The following PER3 variants were observed in gnomAD, a reference collection of about 807,000 sequenced individuals.
PER3 encodes the protein period circadian protein homolog 3.
In PER3, 107 loss-of-function variants were observed where a neutral mutation model predicts 127.2. The observed-to-expected ratio is 0.84, with a 90% confidence interval of 0.72 to 0.99. PER3 has a LOEUF of 0.99. Ranked by LOEUF, PER3 falls within the 50% of genes least tolerant of loss-of-function variation. The pLI is 0.00. For missense variants in PER3, 1,560 were observed against 1,525.8 expected (o/e 1.02, Z -0.37); for synonymous variants, 618 against 585.8 (o/e 1.05, Z -0.79).
Position 7,808,936 on chromosome 1 carries a change from A to T in PER3, c.1180A>T (p.Met394Leu). Reference protein sequence around the residue: ...EDVFATKIKKMNDNDKDITEL... With the variant: ...EDVFATKIKKLNDNDKDITEL... ...TGTTTTTGCTACCAAAATTAAAAAG[A>T]TGAACGATAATGACAAAGACATAAC... The change falls in exon 11 of 22, where the codon ATG becomes TTG. Residue 394 changes from methionine to leucine, a missense_variant. By Grantham distance (15) the Met-to-Leu change is conservative. This residue lies in a region of PER3 where 1,332 missense variants were observed against 1,223.6 expected (regional missense o/e 1.09). Coordinates refer to ENST00000377532, the MANE Select transcript of PER3 (RefSeq NM_001377275.1). 1 of 1,602,726 alleles carries T rather than the reference A, an allele frequency of 6.2e-7. No individual in the cohort carries two copies. The highest frequency in any genetic ancestry group is 1.1e-5 in the South Asian group (1 of 90,528).
intron 5 of PER3, among the ~76,000 whole-genome samples, chr1:7,789,028 C>T (rs1427591075): frequency 6.6e-6 from 1 of 151,760 alleles, no homozygotes; most frequent in East Asian, 1.9e-4. Context: ...TTCAAAGATG[C>T]CTATTGCAGT....
intron 10 of PER3, among the ~76,000 whole-genome samples, chr1:7,806,808 A>ATATATATATATATATAT (rs58879633): frequency 6.6e-5 from 4 of 60,814 alleles, no homozygotes; most frequent in South Asian, 6.2e-4. Flanking sequence ...AAAAAAAAAA[A>ATATATATATATATATAT]AAAAATATAT....
intron 10 of PER3, among the ~76,000 whole-genome samples, chr1:7,808,602 T>G (rs552128877): frequency 6.6e-6 from 1 of 152,338 alleles, no homozygotes; most frequent in East Asian, 1.9e-4. Context: ...TGAAGATATT[T>G]TAGTAGCTAA....
In PER3 at chr1:7,819,186, T is replaced by C. The variant is rs1577851528; in HGVS notation, c.1523-99T>C. 4.1e-6 allele frequency: 4 copies of C among 979,788 alleles called. No individual in the cohort carries two copies. The East Asian group carries it at 7.2e-5, about 18-fold the overall frequency. 60.7% of individuals were successfully genotyped at this position (979,788 alleles called of 1,614,324 possible). On this transcript the variant is annotated intron_variant, in intron 13 of 21. Transcript: ENST00000377532. ...AGCCGCATGATATTCTGTTGATATA[T>C]ACATGATAAAGTGCCATGATTTAAT...
intron 13 of PER3, among the ~76,000 whole-genome samples, chr1:7,818,083 C>T (rs1457425193): frequency 1.3e-5 from 2 of 152,134 alleles, no homozygotes; most frequent in African/African-American, 4.8e-5. Context: ...AAACTCAAAT[C>T]GAAGGCCATC....
chr1:7,794,150 G>C (rs1343569294), intron 6 of PER3, 142 bp downstream of exon 6: 4 of 715,982 alleles, frequency 5.6e-6, no homozygotes, highest in Non-Finnish European at 1.0e-5. Flanking sequence ...CAAGGAGTTC[G>C]TATTTTGATT....
chr1:7,809,695 C>T (rs1054733287), intron 11 of PER3, among the ~76,000 whole-genome samples, 198 bp from the exon 12 acceptor site: 2 of 152,124 alleles, frequency 1.3e-5, no homozygotes, highest in Non-Finnish European at 2.9e-5. Flanking sequence ...GAACATAAGA[C>T]CTTGCTCTTG....
chr1:7,803,976 T>C, intron 10 of PER3, 128 bp downstream of exon 10: 1 of 721,156 alleles, frequency 1.4e-6, no homozygotes, highest in Admixed American at 2.7e-5. Flanking sequence ...TTTCGGTGCT[T>C]TGGGGAGACA....
intron 21 of PER3, among the ~76,000 whole-genome samples, chr1:7,838,135 TATG>T (rs1229382773): frequency 6.6e-6 from 1 of 152,158 alleles, no homozygotes; most frequent in Admixed American, 6.5e-5. Flanking sequence ...TATTAAGGCT[TATG>T]AAGTAAGCAA....
chr1:7,809,746 A>G, intron 11 of PER3, 147 bp from the exon 12 acceptor site: 1 of 679,494 alleles, frequency 1.5e-6, no homozygotes. Context: ...TCGTGTCAGC[A>G]TCAGCATTAA....
chr1:7,800,385 T>C (rs1343819521), intron 7 of PER3, among the ~76,000 whole-genome samples: 1 of 151,624 alleles, frequency 6.6e-6, no homozygotes, highest in Admixed American at 6.6e-5. Context: ...TTTTTGTATT[T>C]TTAGTAGAGA....
Position 7,786,842 on chromosome 1 carries a change from A to T in PER3, c.390+6A>T, listed in dbSNP as rs978467123. 2 of 1,524,766 alleles carry T rather than the reference A, an allele frequency of 1.3e-6. No homozygotes were observed. The highest frequency in any genetic ancestry group is 2.2e-5 in the South Asian group (2 of 89,276). The allele number at this position is 1,524,766 out of a possible 1,614,324, so 94.5% of individuals were successfully genotyped here. Reference sequence around the variant, plus strand: ...AACACACTTCCAAAAACACAGTAAGAATTCATGCATTTTGCCATATCAACC... The same window carrying T: ...AACACACTTCCAAAAACACAGTAAGTATTCATGCATTTTGCCATATCAACC... On this transcript the variant is annotated splice_donor_region_variant and intron_variant, in intron 4 of 21. Coordinates refer to ENST00000377532, the MANE Select transcript of PER3 (RefSeq NM_001377275.1).
chr1:7,826,837 AAC>A lies in PER3; in HGVS notation c.2188+129_2188+130del, dbSNP rs2097303705. The A allele has an allele frequency of 1.5e-6, 1 of 658,976 alleles. No homozygotes were observed. The highest frequency in any genetic ancestry group is 1.8e-5 in the African/African-American group (1 of 55,022). 40.8% of individuals were successfully genotyped at this position (658,976 alleles called of 1,614,324 possible). A position where few individuals can be genotyped will look rare whatever the true frequency, so the allele number is the denominator to read the frequency against. On this transcript the variant is annotated intron_variant, in intron 17 of 21. Transcript: ENST00000377532. The surrounding 1 kb of genome is among the most constrained non-coding windows in gnomAD (Gnocchi z 4.2). ...TAAGAAACTGATGGAGAGATGCTGAAACAATCTATTTACATCAACAGTTTATG... is the reference window on the plus strand; with the variant it reads ...TAAGAAACTGATGGAGAGATGCTGAAAATCTATTTACATCAACAGTTTATG...
chr1:7,842,278 G>A (rs984024120), intron 21 of PER3, among the ~76,000 whole-genome samples: 14 of 152,100 alleles, frequency 9.2e-5, no homozygotes, highest in Admixed American at 4.6e-4. Context: ...CAAGGTGGGC[G>A]GATCACGAGG....
At chr1:7,825,709 C>A (rs537910072) in intron 16 of PER3, among the ~76,000 whole-genome samples, 1 of 152,008 alleles carries the variant, frequency 6.6e-6, no homozygotes, top group South Asian at 2.1e-4. Flanking sequence ...CTGGCCAACA[C>A]GGTGAAACCC....
Position 7,793,143 on chromosome 1 carries a change from C to T in PER3, c.593-814C>T, listed in dbSNP as rs114744970. Among the ~76,000 whole-genome samples, 102 of 152,286 alleles carry T rather than the reference C, an allele frequency of 6.7e-4. 1 individual carries two copies. Among genetic ancestry groups the T allele is most frequent in the Non-Finnish European group, 1.0e-3 (71 of 68,032 alleles). On this transcript the variant is annotated intron_variant, in intron 5 of 21. Coordinates refer to ENST00000377532, the MANE Select transcript of PER3 (RefSeq NM_001377275.1). ...TTCAGTGTATATTTTTTGAACATCT[C>T]ACAGTTTTCCATGGTTCCTATAACT... is the stretch of plus-strand genomic sequence containing the variant.
rs1195513480 is a variant in PER3, at chr1:7,826,720, T to G, written c.2188+10T>G. 13 of 1,511,096 alleles carry G rather than the reference T, an allele frequency of 8.6e-6. No individual in the cohort carries two copies. The highest frequency in any genetic ancestry group is 1.2e-5 in the Non-Finnish European group (13 of 1,087,098). 93.6% of individuals were successfully genotyped at this position (1,511,096 alleles called of 1,614,324 possible). ...TATTCATATTTTCAAGGTACGTAAT[T>G]TTTTAAAAATAAATGCCATTAATCT... On this transcript the variant is annotated intron_variant, in intron 17 of 21. Coordinates refer to ENST00000377532, the MANE Select transcript of PER3 (RefSeq NM_001377275.1). This position sits in a 1 kb window ranked among gnomAD's most constrained non-coding sequence, Gnocchi z 4.2.
At chr1:7,822,166 G>A (rs1457078764) in intron 16 of PER3, among the ~76,000 whole-genome samples, 1 of 152,134 alleles carries the variant, frequency 6.6e-6, no homozygotes, top group Non-Finnish European at 1.5e-5. Flanking sequence ...AGCATTTTGG[G>A]AGGCCAAGAC....
chr1:7,826,880 A>G lies in PER3; in HGVS notation c.2188+170A>G, dbSNP rs909914586. ...ACAGTTTATGTAAGTTCTTTGTTAG[A>G]TCCTAGATCTGAGAAACTTTTTTGT... On this transcript the variant is annotated intron_variant, in intron 17 of 21. Transcript: ENST00000377532. The surrounding 1 kb of genome is among the most constrained non-coding windows in gnomAD (Gnocchi z 4.2). Among the ~76,000 whole-genome samples the G allele has an allele frequency of 6.6e-6, 1 of 152,114 alleles. No homozygotes were observed. The highest frequency in any genetic ancestry group is 2.4e-5 in the African/African-American group (1 of 41,442).
Sources: gnomAD v4.1 joint callset for allele counts (sites outside exome capture counted in the v4.1 genomes callset) on GRCh38, gnomAD v4.1.1 for gene constraint, gnomAD v4.1.1 regional missense constraint, Gnocchi (gnomAD v3.1) non-coding constraint, MANE v1.5 for transcripts, NCBI Gene and HGNC (gene_info 2026-07-23, HGNC 2026-07-21) for gene names.